The following CAPZB variants were observed in gnomAD, a reference collection of about 807,000 sequenced individuals.
The protein encoded by CAPZB is capping actin protein of muscle Z-line subunit beta, also known as F-actin-capping protein subunit beta.
A neutral mutation model predicts 38.1 loss-of-function variants in CAPZB; 2 were observed. The ratio of observed to expected loss-of-function variants is 0.05; its 90% CI spans 0.02 to 0.17. The LOEUF is 0.17. Among genes scored for constraint, CAPZB ranks in the 10% least tolerant of loss-of-function variants. The probability of loss-of-function intolerance (pLI) is 1.00; values close to 1 mark genes in which losing one functional copy is unlikely to be tolerated. For synonymous variants in CAPZB, 107 were observed against 127.4 expected, an observed-to-expected ratio of 0.84 and a Z score of 1.08; for missense variants, 161 against 334.2, an observed-to-expected ratio of 0.48 and a Z score of 4.04.
chr1:19,416,051 C>G (rs2094377644), intron 2 of CAPZB, among the ~76,000 whole-genome samples: 1 of 152,244 alleles, frequency 6.6e-6, no homozygotes, highest in African/African-American at 2.4e-5. Context: ...CTCCACACAG[C>G]CGGTGAAGGG....
chr1:19,425,516 G>T (rs1172513993), intron 1 of CAPZB, among the ~76,000 whole-genome samples: 1 of 152,100 alleles, frequency 6.6e-6, no homozygotes, highest in Non-Finnish European at 1.5e-5. Flanking sequence ...CCCATTTTAA[G>T]CTGGCAAGGC....
intron 1 of CAPZB, among the ~76,000 whole-genome samples, chr1:19,432,836 T>C (rs577151149): frequency 2.6e-5 from 4 of 152,356 alleles, no homozygotes; most frequent in African/African-American, 9.6e-5. Flanking sequence ...TTCTAACGAC[T>C]TGTAGGGAAC....
chr1:19,421,977 ATC>A (rs146141002), intron 1 of CAPZB, among the ~76,000 whole-genome samples: 67 of 149,168 alleles, frequency 4.5e-4, no homozygotes, highest in Non-Finnish European at 5.8e-4. Context: ...CCAGCCCTGG[ATC>A]TCTCTCTCTC....
At chr1:19,381,777 G>A (rs768179411) in intron 3 of CAPZB, among the ~76,000 whole-genome samples, 2 of 140,616 alleles carry the variant, frequency 1.4e-5, no homozygotes, top group African/African-American at 2.7e-5. Context: ...ACTGCAACCT[G>A]TGTCTCCTGG....
At chr1:19,366,309 TAA>T (rs1491113043) in intron 4 of CAPZB, among the ~76,000 whole-genome samples, 1,099 of 68,544 alleles carry the variant, frequency 0.016, 60 homozygotes, top group South Asian at 0.079. Context: ...TATATATATA[TAA>T]ATAAAATAAA....
At chr1:19,402,215 GA>G (rs1176757827) in intron 2 of CAPZB, among the ~76,000 whole-genome samples, 1 of 152,208 alleles carries the variant, frequency 6.6e-6, no homozygotes, top group African/African-American at 2.4e-5. Context: ...GGAACTGAGA[GA>G]ACACCTGAAT....
chr1:19,406,796 G>A lies in CAPZB; in HGVS notation c.93+12865C>T, dbSNP rs1291247785. Among the ~76,000 whole-genome samples the A allele has an allele frequency of 3.9e-5, 6 of 152,196 alleles. No individual in the cohort carries two copies. The East Asian group carries it at 1.2e-3, about 29-fold the overall frequency. On this transcript the variant is annotated intron_variant, in intron 2 of 8. Coordinates refer to ENST00000264202, the MANE Select transcript of CAPZB (RefSeq NM_004930.5). ...GATAGTCATCTCTTAAAACCCGGGA[G>A]AACAGCAGAGTATTTTGCGCAAGTT...
At chr1:19,431,360 C>T (rs745896189) in intron 1 of CAPZB, among the ~76,000 whole-genome samples, 1 of 152,202 alleles carries the variant, frequency 6.6e-6, no homozygotes. Context: ...CCAAGCATTT[C>T]GGATAAGAAA....
chr1:19,387,432 C>A (rs2094210061), intron 2 of CAPZB, among the ~76,000 whole-genome samples: 1 of 152,244 alleles, frequency 6.6e-6, no homozygotes, highest in South Asian at 2.1e-4. Flanking sequence ...ACAGCTTCCA[C>A]CCGAGGCCAT....
At position 19,349,313 on chromosome 1, in the gene CAPZB, C is replaced by T. The variant is rs146279345; in HGVS notation, c.589-4061G>A. Reference sequence around the variant, plus strand: ...GGCTCAGGGCTGGGTGGAGTCAGCTCGGCAGGCAGGGAAGCCTGGGGGTTG... The same window carrying T: ...GGCTCAGGGCTGGGTGGAGTCAGCTTGGCAGGCAGGGAAGCCTGGGGGTTG... On this transcript the variant is annotated intron_variant, in intron 6 of 8. Transcript: ENST00000264202. Among the ~76,000 whole-genome samples the T allele has an allele frequency of 4.7e-4, 71 of 152,110 alleles. 1 individual carries two copies. Among genetic ancestry groups the T allele is most frequent in the Middle Eastern group, 3.4e-3 (1 of 294 alleles).
chr1:19,401,537 C>T (rs1455500442), intron 2 of CAPZB, among the ~76,000 whole-genome samples: 1 of 152,192 alleles, frequency 6.6e-6, no homozygotes, highest in Non-Finnish European at 1.5e-5. Flanking sequence ...TCAGCAGCCT[C>T]AGGTGAGCCT....
At chr1:19,446,500 G>GA (rs147283928) in intron 1 of CAPZB, among the ~76,000 whole-genome samples, 2,059 of 152,290 alleles carry the variant, frequency 0.014, 54 homozygotes, top group African/African-American at 0.047. Flanking sequence ...AATTCTCTTA[G>GA]AAAGTAATGG....
chr1:19,393,915 C>T (rs1277233923), intron 2 of CAPZB, among the ~76,000 whole-genome samples: 1 of 152,292 alleles, frequency 6.6e-6, no homozygotes, highest in African/African-American at 2.4e-5. Context: ...GGCCCCCCGC[C>T]TGCCAGGGCC....
At chr1:19,412,836 CACCTTTAT>C (rs2094363074) in intron 2 of CAPZB, among the ~76,000 whole-genome samples, 2 of 152,334 alleles carry the variant, frequency 1.3e-5, no homozygotes, top group Non-Finnish European at 2.9e-5. Flanking sequence ...GAGCCTCTAA[CACCTTTAT>C]GAGTAAGTAA....
At chr1:19,475,017 A>G (rs2094602140) in intron 1 of CAPZB, among the ~76,000 whole-genome samples, 1 of 152,142 alleles carries the variant, frequency 6.6e-6, no homozygotes, top group Non-Finnish European at 1.5e-5. Context: ...AGGTGTCCAC[A>G]CTAAGTCCAA....
Position 19,401,545 on chromosome 1 carries a change from C to G in CAPZB, c.94-15919G>C, listed in dbSNP as rs969231127. On this transcript the variant is annotated intron_variant, in intron 2 of 8. Coordinates refer to ENST00000264202, the MANE Select transcript of CAPZB (RefSeq NM_004930.5). ...CACCTTTTCAGCAGCCTCAGGTGAGCCTTTTAAAAAGGTGAAAAACGAAGG... is the reference window on the plus strand; with the variant it reads ...CACCTTTTCAGCAGCCTCAGGTGAGGCTTTTAAAAAGGTGAAAAACGAAGG... 9.2e-5 allele frequency among the ~76,000 whole-genome samples: 14 copies of G among 152,232 alleles called. No individual in the cohort carries two copies. In the East Asian group the frequency reaches 2.7e-3, roughly 29 times the overall value.
At chr1:19,443,806 G>A (rs1302021721) in intron 1 of CAPZB, among the ~76,000 whole-genome samples, 1 of 152,198 alleles carries the variant, frequency 6.6e-6, no homozygotes, top group Admixed American at 6.5e-5. Flanking sequence ...CCCAGACTCA[G>A]CCTTCCTCAC....
chr1:19,345,171 A>G lies in CAPZB; in HGVS notation c.654+16T>C. The G allele has an allele frequency of 6.2e-7, 1 of 1,610,734 alleles. No homozygotes were observed. The highest frequency in any genetic ancestry group is 8.5e-7 in the Non-Finnish European group (1 of 1,177,038). Reference sequence around the variant, plus strand: ...GTGGGTCACTGCAGGAGCCAGCCAGAGCCCAGGTCACTCACCTCTACCAGG... The same window carrying G: ...GTGGGTCACTGCAGGAGCCAGCCAGGGCCCAGGTCACTCACCTCTACCAGG... On this transcript the variant is annotated intron_variant, in intron 7 of 8. Coordinates refer to ENST00000264202, the MANE Select transcript of CAPZB (RefSeq NM_004930.5).
intron 1 of CAPZB, among the ~76,000 whole-genome samples, chr1:19,442,659 C>T (rs1490638485): frequency 6.6e-6 from 1 of 152,126 alleles, no homozygotes; most frequent in East Asian, 1.9e-4. Flanking sequence ...GGGGGCCAAA[C>T]GAAACCCTAA....
Sources: gnomAD v4.1 joint callset for allele counts (sites outside exome capture counted in the v4.1 genomes callset) on GRCh38, gnomAD v4.1.1 for gene constraint, MANE v1.5 for transcripts, NCBI Gene and HGNC (gene_info 2026-07-23, HGNC 2026-07-21) for gene names.